The following MAST2 variants were observed in gnomAD, a reference collection of about 807,000 sequenced individuals.
MAST2 encodes the protein microtubule-associated serine/threonine-protein kinase 2.
In MAST2, 70 loss-of-function variants were observed where a neutral mutation model predicts 147.4. The observed-to-expected ratio is 0.47, with a 90% CI of 0.39 to 0.58. The LOEUF is 0.58. MAST2 is among the 20% of genes least tolerant of loss of function. The probability of loss-of-function intolerance (pLI) is 0.00; values close to 1 mark genes in which losing one functional copy is unlikely to be tolerated. For missense variants in MAST2, 2,080 were observed against 2,302.3 expected (o/e 0.90, Z 1.98); for synonymous variants, 869 against 896.8 (o/e 0.97, Z 0.55).
intron 4 of MAST2, among the ~76,000 whole-genome samples, chr1:45,957,265 A>C (rs925047684): frequency 1.3e-5 from 2 of 152,228 alleles, no homozygotes; most frequent in African/African-American, 4.8e-5. Context: ...TGCTGAGTAG[A>C]ATTCCATTAT....
At chr1:45,959,282 G>T in intron 4 of MAST2, 104 bp from the exon 5 acceptor site, 1 of 772,452 alleles carries the variant, frequency 1.3e-6, no homozygotes. Flanking sequence ...AGTATACTGT[G>T]CGGCCCGTGG....
At chr1:45,964,727 G>T (rs1660923547) in intron 5 of MAST2, among the ~76,000 whole-genome samples, 2 of 151,932 alleles carry the variant, frequency 1.3e-5, no homozygotes, top group African/African-American at 4.8e-5. Context: ...CTTCAGTTCT[G>T]CTCTGATCTT....
At chr1:45,831,286 T>C (rs1289423908) in intron 3 of MAST2, among the ~76,000 whole-genome samples, 2 of 152,066 alleles carry the variant, frequency 1.3e-5, no homozygotes, top group African/African-American at 4.8e-5. Flanking sequence ...CTTGTTACTA[T>C]TAAAGTCTCA....
At position 45,939,319 on chromosome 1, in the gene MAST2, A is replaced by C. The variant is rs116663247; in HGVS notation, c.501-20067A>C. Among the ~76,000 whole-genome samples the C allele has an allele frequency of 1.5e-3, 223 of 152,250 alleles. 1 individual carries two copies. Among genetic ancestry groups the C allele is most frequent in the African/African-American group, 5.2e-3 (217 of 41,556 alleles). On this transcript the variant is annotated intron_variant, in intron 4 of 28. Transcript: ENST00000361297. ...ACCTTTGTTGAAGTCAATTGACCAC[A>C]AGTGTTAACAGTTTATTTCTGGACT...
chr1:45,917,066 A>T (rs1247292326), intron 4 of MAST2, among the ~76,000 whole-genome samples: 1 of 152,256 alleles, frequency 6.6e-6, no homozygotes, highest in Non-Finnish European at 1.5e-5. Flanking sequence ...CAACAAGAGC[A>T]AAACTCTGTC....
intron 3 of MAST2, among the ~76,000 whole-genome samples, chr1:45,853,370 T>C (rs761567720): frequency 2.2e-4 from 34 of 152,156 alleles, no homozygotes; most frequent in Non-Finnish European, 4.0e-4. Context: ...AATTATTGTT[T>C]TTTTTTGAGT....
intron 4 of MAST2, among the ~76,000 whole-genome samples, chr1:45,911,900 ATG>A (rs1651742480): frequency 1.5e-5 from 2 of 131,578 alleles, no homozygotes; most frequent in Non-Finnish European, 3.2e-5. Flanking sequence ...TATTATTATT[ATG>A]TAGCCTGGTC....
chr1:45,993,837 C>CA (rs1260638779), intron 5 of MAST2, among the ~76,000 whole-genome samples: 1 of 152,110 alleles, frequency 6.6e-6, no homozygotes, highest in East Asian at 1.9e-4. Context: ...ATACTTCTGA[C>CA]AAAATGGATA....
chr1:45,838,582 T>A (rs1364811422), intron 3 of MAST2, among the ~76,000 whole-genome samples: 1 of 151,932 alleles, frequency 6.6e-6, no homozygotes, highest in Non-Finnish European at 1.5e-5. Flanking sequence ...TTTGTCTATT[T>A]AAAAAAAAAT....
chr1:45,939,030 C>T (rs543232378), intron 4 of MAST2, among the ~76,000 whole-genome samples: 15 of 151,336 alleles, frequency 9.9e-5, no homozygotes, highest in Non-Finnish European at 1.8e-4. Context: ...TGGATGGTGT[C>T]GTTTGAAATG....
At position 45,959,393 on chromosome 1, in the gene MAST2, A is replaced by G. The variant is rs144887077; in HGVS notation, c.508A>G (p.Thr170Ala). 5.0e-6 allele frequency: 8 copies of G among 1,613,570 alleles called. No individual in the cohort carries two copies. The East Asian group carries it at 1.3e-4, about 27-fold the overall frequency. The change falls in exon 5 of 29, where the codon ACA becomes GCA. Residue 170 changes from threonine (T) to alanine (A), a missense_variant. Around this residue, in one of 4 missense-constraint regions of MAST2, gnomAD observed 569 missense variants for 642.5 expected, o/e 0.89. Transcript: ENST00000361297. Reference protein sequence around the residue: ...SLPRRGSFCRTSNRKSLIVTS... With the variant: ...SLPRRGSFCRASNRKSLIVTS... Reference sequence around the variant, plus strand: ...ATTTTGTTTTCATTGCAGTTGTCGGACAAGTAACCGCAAGAGCTTGATTGT... The same window carrying G: ...ATTTTGTTTTCATTGCAGTTGTCGGGCAAGTAACCGCAAGAGCTTGATTGT...
At chr1:46,029,594 C>T in intron 19 of MAST2, 27 bp downstream of exon 19, 1 of 1,599,044 alleles carries the variant, frequency 6.3e-7, no homozygotes, top group Non-Finnish European at 8.6e-7. Flanking sequence ...TAACTTTTCT[C>T]ACTACTTGGA....
intron 4 of MAST2, among the ~76,000 whole-genome samples, chr1:45,950,371 G>T (rs1658753920): frequency 6.6e-6 from 1 of 152,122 alleles, no homozygotes; most frequent in Non-Finnish European, 1.5e-5. Context: ...ATACAATTAG[G>T]ACCCTCAAAA....
chr1:45,872,482 G>GTT (rs796554757), intron 3 of MAST2, among the ~76,000 whole-genome samples: 12 of 140,718 alleles, frequency 8.5e-5, no homozygotes, highest in Admixed American at 1.4e-4. Context: ...CCATTTCGTG[G>GTT]TTTTTTTTTT....
chr1:45,814,447 A>G (rs554851204), intron 1 of MAST2, among the ~76,000 whole-genome samples: 1 of 152,328 alleles, frequency 6.6e-6, no homozygotes, highest in East Asian at 1.9e-4. Context: ...TTACTTTCTA[A>G]CAAAACAGTT....
At chr1:45,917,467 T>C (rs1652738007) in intron 4 of MAST2, 1 of 1,366,484 alleles carries the variant, frequency 7.3e-7, no homozygotes, top group African/African-American at 1.5e-5. Context: ...CCTCTTGCCA[T>C]TTTCCTGAAC....
At chr1:45,936,640 C>T (rs1047740231) in intron 4 of MAST2, among the ~76,000 whole-genome samples, 5 of 152,156 alleles carry the variant, frequency 3.3e-5, no homozygotes, top group Admixed American at 1.3e-4. Context: ...CTTCTCACTT[C>T]ACTGGGTCTC....
rs180919035 is a variant in MAST2 at position 46,031,275 on chromosome 1, A to G, written c.2977A>G (p.Ser993Gly). The change falls in exon 23 of 29, where the codon AGT (serine) becomes GGT (glycine). Residue 993 changes from serine to glycine, a missense_variant. Coordinates refer to ENST00000361297, the MANE Select transcript of MAST2 (RefSeq NM_015112.3). The surrounding 1 kb of genome is among the most constrained non-coding windows in gnomAD (Gnocchi z 4.1). Reference protein sequence around the residue: ...KLDEEAVGRSSGSSPAMETRG... With the variant: ...KLDEEAVGRSGGSSPAMETRG... Reference sequence around the variant, plus strand: ...GGATGAGGAAGCTGTTGGCCGGAGCAGTGGTTCCAGTCCAGGTATGGCCCA... The same window carrying G: ...GGATGAGGAAGCTGTTGGCCGGAGCGGTGGTTCCAGTCCAGGTATGGCCCA... The G allele has an allele frequency of 1.3e-6, 2 of 1,536,926 alleles. No homozygotes were observed. Among genetic ancestry groups the G allele is most frequent in the Non-Finnish European group, 1.8e-6 (2 of 1,138,254 alleles).
At chr1:45,893,670 C>T (rs569875554) in intron 4 of MAST2, among the ~76,000 whole-genome samples, 35 of 150,884 alleles carry the variant, frequency 2.3e-4, no homozygotes, top group African/African-American at 8.3e-4. Context: ...TGTCAGGACT[C>T]AGAAACGTTA....
Sources: gnomAD v4.1 joint callset for allele counts (sites outside exome capture counted in the v4.1 genomes callset) on GRCh38, gnomAD v4.1.1 for gene constraint, gnomAD v4.1.1 regional missense constraint, Gnocchi (gnomAD v3.1) non-coding constraint, MANE v1.5 for transcripts, NCBI Gene and HGNC (gene_info 2026-07-23, HGNC 2026-07-21) for gene names.